The following PACSIN3 variants were observed in gnomAD, a reference collection of about 807,000 sequenced individuals.
PACSIN3 encodes protein kinase C and casein kinase substrate in neurons 3.
Under a neutral mutation model 56.1 loss-of-function variants are expected in PACSIN3, and 34 were observed. The ratio of observed to expected loss-of-function variants is 0.61; its 90% CI spans 0.46 to 0.81. The LOEUF (loss-of-function observed/expected upper bound fraction) is 0.81, where lower values mean the gene tolerates loss of function less well. PACSIN3 is among the 30% of genes least tolerant of loss of function. PACSIN3 has a pLI of 0.00. For missense variants in PACSIN3, 535 were observed against 592.4 expected (o/e 0.90, Z 1.01); for synonymous variants, 218 against 229.8 (o/e 0.95, Z 0.46).
chr11:47,185,010 C>CAGCA (rs1953092995), intron 1 of PACSIN3, among the ~76,000 whole-genome samples: 1 of 152,232 alleles, frequency 6.6e-6, no homozygotes, highest in Admixed American at 6.5e-5. Flanking sequence ...CCTGACCTCT[C>CAGCA]AGCAAGCAAG....
intron 5 of PACSIN3, 32 bp from the exon 6 acceptor site, chr11:47,180,373 G>A (rs11039119): frequency 0.34 from 551,148 of 1,599,818 alleles, 99,808 homozygotes; most frequent in East Asian, 0.71. Flanking sequence ...CTGGACCCTG[G>A]ATGCCACACC....
At chr11:47,180,107 A>C (rs1952985649) in intron 6 of PACSIN3, 79 bp downstream of exon 6, 6 of 1,355,604 alleles carry the variant, frequency 4.4e-6, no homozygotes, top group Non-Finnish European at 6.2e-6. Flanking sequence ...TGGGGACTGG[A>C]CAAGATGTTC....
chr11:47,178,550 C>A lies in PACSIN3; in HGVS notation c.1038-63G>T. 1 of 1,581,192 alleles carries A rather than the reference C, an allele frequency of 6.3e-7. No homozygotes were observed. The highest frequency in any genetic ancestry group is 1.1e-5 in the South Asian group (1 of 87,742). The stretch of plus-strand genomic sequence containing the variant: ...AGGAACACGGGGCTGGAGATCTCAC[C>A]CAGGATCAGGGCAAAGGCCTCCCTA... On this transcript the variant is annotated intron_variant, in intron 9 of 10. Transcript: ENST00000298838. The surrounding 1 kb of genome is among the most constrained non-coding windows in gnomAD (Gnocchi z 4.2).
At position 47,178,908 on chromosome 11, in the gene PACSIN3, G is replaced by A. The variant is rs750901464; in HGVS notation, c.1023C>T (p.Ser341=). The change falls in exon 9 of 11, where the codon TCC becomes TCT. Residue 341 remains serine (S), a synonymous_variant. Coordinates refer to ENST00000298838, the MANE Select transcript of PACSIN3 (RefSeq NM_016223.5). This position sits in a 1 kb window ranked among gnomAD's most constrained non-coding sequence, Gnocchi z 4.2. Reference sequence around the variant, plus strand: ...CTGGCTCTCACCCTGGGGACCCCGGGGACTGGGGTGGGGGTGCGGTGCCAT... The same window carrying A: ...CTGGCTCTCACCCTGGGGACCCCGGAGACTGGGGTGGGGGTGCGGTGCCAT... ...TRDGTAPPPQ[S]PGSPGTGQDE... is the part of the protein sequence containing the mutation. 1.2e-6 allele frequency: 2 copies of A among 1,613,896 alleles called. No homozygotes were observed. Among genetic ancestry groups the A allele is most frequent in the Admixed American group, 1.7e-5 (1 of 60,026 alleles).
Position 47,179,428 on chromosome 11 carries a change from G to A in PACSIN3, c.762C>T (p.Asp254=). The A allele has an allele frequency of 6.2e-7, 1 of 1,614,060 alleles. No individual in the cohort carries two copies. The highest frequency in any genetic ancestry group is 8.5e-7 in the Non-Finnish European group (1 of 1,180,022). The change falls in exon 7 of 11, where the codon GAC becomes GAT. Residue 254 remains aspartate (D), a synonymous_variant. Transcript: ENST00000298838. The surrounding 1 kb of genome is among the most constrained non-coding windows in gnomAD (Gnocchi z 4.4). ...DMLLTLHQHL[D]LSSSEKFHEL... is the part of the protein sequence containing the mutation. ...GTTCATACTTCTCACTGCTGGAAAG[G>A]TCCAGGTGCTGGTGTAAGGTGAGCA...
Position 47,179,669 on chromosome 11 carries a change from G to T in PACSIN3, c.604-83C>A. The T allele has an allele frequency of 7.1e-7, 1 of 1,414,440 alleles. No homozygotes were observed. The highest frequency in any genetic ancestry group is 9.7e-7 in the Non-Finnish European group (1 of 1,036,100). 87.6% of individuals were successfully genotyped at this position (1,414,440 alleles called of 1,614,324 possible). On this transcript the variant is annotated intron_variant, in intron 6 of 10. Transcript: ENST00000298838. The surrounding 1 kb of genome is among the most constrained non-coding windows in gnomAD (Gnocchi z 4.4). ...CCAGTGTTTACCAGACACTGCCATA[G>T]GCTGCTAGACCCAGGGCTAGCCACT...
Position 47,178,303 on chromosome 11 carries a change from T to C in PACSIN3, c.1159+63A>G. 6.3e-7 allele frequency: 1 copy of C among 1,591,782 alleles called. No individual in the cohort carries two copies. On this transcript the variant is annotated intron_variant, in intron 10 of 10. Transcript: ENST00000298838. This position sits in a 1 kb window ranked among gnomAD's most constrained non-coding sequence, Gnocchi z 4.2. ...AAGAAGTGGGTATTTGGCTTCCCTT[T>C]CTGACACCCCTGCTCAGGCAGATAA...
chr11:47,181,222 G>A (rs995996016), intron 4 of PACSIN3, among the ~76,000 whole-genome samples: 3 of 151,484 alleles, frequency 2.0e-5, no homozygotes, highest in East Asian at 3.9e-4. Flanking sequence ...AGATCACGCC[G>A]CTGTACTCCA....
rs752592587 is a variant in PACSIN3 at position 47,179,623 on chromosome 11, C to T, written c.604-37G>A. On this transcript the variant is annotated intron_variant, in intron 6 of 10. Transcript: ENST00000298838. This position sits in a 1 kb window ranked among gnomAD's most constrained non-coding sequence, Gnocchi z 4.4. ...AGGAGGGGCCTGGTGAGAACCAGAC[C>T]TTCTTCCACCCAGGACTCCACCAGT... The T allele has an allele frequency of 1.3e-6, 2 of 1,596,838 alleles. No homozygotes were observed. The highest frequency in any genetic ancestry group is 2.2e-5 in the South Asian group (2 of 90,676).
Position 47,177,849 on chromosome 11 carries a change from G to A in PACSIN3, c.*82C>T. ...GGAGCAGCCAGAGAGCGACGGTTCA[G>A]GGCCCTGAGGGTCCGGCTCTCCAGG... On this transcript the variant is annotated 3_prime_UTR_variant, in exon 11 of 11. Coordinates refer to ENST00000298838, the MANE Select transcript of PACSIN3 (RefSeq NM_016223.5). The A allele has an allele frequency of 9.3e-7, 1 of 1,077,440 alleles. No individual in the cohort carries two copies. The highest frequency in any genetic ancestry group is 1.4e-6 in the Non-Finnish European group (1 of 697,792). The allele number at this position is 1,077,440 out of a possible 1,614,324, so 66.7% of individuals were successfully genotyped here. A position where few individuals can be genotyped will look rare whatever the true frequency, so the allele number is the denominator to read the frequency against.
intron 1 of PACSIN3, among the ~76,000 whole-genome samples, chr11:47,185,108 G>A (rs1381184407): frequency 1.3e-5 from 2 of 152,236 alleles, no homozygotes; most frequent in Non-Finnish European, 2.9e-5. Context: ...AGTCCCCACC[G>A]CAGGCAAGAG....
Position 47,180,277 on chromosome 11 carries a change from T to TC in PACSIN3, c.511dup (p.Glu171GlyfsTer37). 2 of 1,603,512 alleles carry TC rather than the reference T, an allele frequency of 1.2e-6. No individual in the cohort carries two copies. The highest frequency in any genetic ancestry group is 2.7e-5 in the African/African-American group (2 of 75,064). On this transcript the variant is annotated frameshift_variant, in exon 6 of 11. Transcript: ENST00000298838. LOFTEE classifies it high-confidence loss of function. Reference sequence around the variant, plus strand: ...GGCGCTGTCTGCCTTTGCGTGGCTCTCCCTCGTCTGGGCGGTCTTCTCATC... The same window carrying TC: ...GGCGCTGTCTGCCTTTGCGTGGCTCTCCCCTCGTCTGGGCGGTCTTCTCATC...
In PACSIN3 at chr11:47,182,571, G is replaced by C. The variant is rs199642944; in HGVS notation, c.55-12C>G. 4.8e-5 allele frequency: 77 copies of C among 1,607,136 alleles called. No homozygotes were observed. In the African/African-American group the frequency reaches 8.5e-4, roughly 18 times the overall value. On this transcript the variant is annotated splice_polypyrimidine_tract_variant and intron_variant, in intron 3 of 10. Coordinates refer to ENST00000298838, the MANE Select transcript of PACSIN3 (RefSeq NM_016223.5). ...CTGTAGTTGCCAGCCTGGGCATACAGGAAAAGGGTGCCATCACCAGGGAGA... is the reference window on the plus strand; with the variant it reads ...CTGTAGTTGCCAGCCTGGGCATACACGAAAAGGGTGCCATCACCAGGGAGA...
chr11:47,183,731 T>C lies in PACSIN3; in HGVS notation c.-103-662A>G, dbSNP rs541513175. On this transcript the variant is annotated intron_variant, in intron 1 of 10. Coordinates refer to ENST00000298838, the MANE Select transcript of PACSIN3 (RefSeq NM_016223.5). The stretch of plus-strand genomic sequence containing the variant: ...GAGAAGCGATGGCCAACTATAAGAA[T>C]GTCTCCCAGGCTGGGTGTGGTGGCT... Among the ~76,000 whole-genome samples, 11 of 152,326 alleles carry C rather than the reference T, an allele frequency of 7.2e-5. No individual in the cohort carries two copies. In the South Asian group the frequency reaches 2.3e-3, roughly 32 times the overall value.
chr11:47,183,760 G>C (rs926082122), intron 1 of PACSIN3, among the ~76,000 whole-genome samples: 1 of 152,204 alleles, frequency 6.6e-6, no homozygotes, highest in African/African-American at 2.4e-5. Flanking sequence ...GGTGGCTCAC[G>C]CCTGTAATCT....
Position 47,179,490 on chromosome 11 carries a change from C to A in PACSIN3, c.700G>T (p.Ala234Ser), listed in dbSNP as rs199902250. The A allele has an allele frequency of 1.9e-5, 31 of 1,613,840 alleles. No homozygotes were observed. The highest frequency in any genetic ancestry group is 4.4e-5 in the South Asian group (4 of 91,082). ...MEQAFETCQAAERQRLLFFKD... is the reference protein window; with the variant it reads ...MEQAFETCQASERQRLLFFKD... ...AAGAAAAGAAGCCGCTGGCGCTCGG[C>A]GGCCTGGCAGGTCTCAAAGGCCTGT... is the stretch of plus-strand genomic sequence containing the variant. Residue 234 changes from alanine to serine, a missense_variant, in exon 7 of 11, where the codon GCC becomes TCC. Physicochemically the swap from Ala to Ser is moderately conservative, Grantham distance 99. Transcript: ENST00000298838. The surrounding 1 kb of genome is among the most constrained non-coding windows in gnomAD (Gnocchi z 4.4).
At position 47,179,785 on chromosome 11, in the gene PACSIN3, G is replaced by A. The variant is rs61897850; in HGVS notation, c.604-199C>T. The stretch of plus-strand genomic sequence containing the variant: ...GACATCAGGCACAGCATATAAAAGA[G>A]TCTGGTGAGGATTGAAATGAGGTCA... On this transcript the variant is annotated intron_variant, in intron 6 of 10. Coordinates refer to ENST00000298838, the MANE Select transcript of PACSIN3 (RefSeq NM_016223.5). The surrounding 1 kb of genome is among the most constrained non-coding windows in gnomAD (Gnocchi z 4.4). 1 of 589,092 alleles carries A rather than the reference G, an allele frequency of 1.7e-6. No individual in the cohort carries two copies. Among genetic ancestry groups the A allele is most frequent in the Non-Finnish European group, 3.0e-6 (1 of 333,938 alleles). 36.5% of individuals were successfully genotyped at this position (589,092 alleles called of 1,614,324 possible).
At position 47,179,484 on chromosome 11, in the gene PACSIN3, G is replaced by A. The variant is rs779053098; in HGVS notation, c.706C>T (p.Arg236Cys). 1.7e-5 allele frequency: 28 copies of A among 1,613,872 alleles called. No individual in the cohort carries two copies. The East Asian group carries it at 2.4e-4, about 14-fold the overall frequency. Residue 236 changes from arginine (R) to cysteine (C), a missense_variant, in exon 7 of 11, where the codon CGC becomes TGC. Transcript: ENST00000298838. This position sits in a 1 kb window ranked among gnomAD's most constrained non-coding sequence, Gnocchi z 4.4. ...TCCTTGAAGAAAAGAAGCCGCTGGC[G>A]CTCGGCGGCCTGGCAGGTCTCAAAG... ...QAFETCQAAE[R>C]QRLLFFKDML... is the part of the protein sequence containing the mutation.
intron 4 of PACSIN3, 50 bp downstream of exon 4, chr11:47,182,353 G>A (rs10838664): frequency 0.26 from 389,947 of 1,518,548 alleles, 55,841 homozygotes; most frequent in East Asian, 0.66. Context: ...AAGCTGGCCC[G>A]ACAGTCCTGC....
Sources: gnomAD v4.1 joint callset for allele counts (sites outside exome capture counted in the v4.1 genomes callset) on GRCh38, gnomAD v4.1.1 for gene constraint, Gnocchi (gnomAD v3.1) non-coding constraint, MANE v1.5 for transcripts, NCBI Gene and HGNC (gene_info 2026-07-23, HGNC 2026-07-21) for gene names.